MYOCD: variants seen among roughly 807,000 people sequenced by gnomAD.
The protein encoded by MYOCD is myocardin.
Under a neutral mutation model 96.1 loss-of-function variants are expected in MYOCD, and 32 were observed. That is an observed-to-expected ratio of 0.33 (90% CI 0.25 to 0.45). MYOCD has a LOEUF of 0.45. Ranked by LOEUF, MYOCD falls within the 20% of genes least tolerant of loss-of-function variation. The pLI is 1.00. For missense variants in MYOCD, 1,133 were observed against 1,200.6 expected, an observed-to-expected ratio of 0.94 and a Z score of 0.83; for synonymous variants, 469 against 469.0, an observed-to-expected ratio of 1.00 and a Z score of 0.00.
intron 5 of MYOCD, 78 bp from the exon 6 acceptor site, chr17:12,736,083 G>T: frequency 1.8e-6 from 2 of 1,130,048 alleles, no homozygotes; most frequent in East Asian, 2.4e-5. Context: ...TAATAGAAAT[G>T]ACACATCGAA....
Position 12,733,322 on chromosome 17 carries a change from A to C in MYOCD, c.416-2839A>C, listed in dbSNP as rs112170078. Among the ~76,000 whole-genome samples, 410 of 151,152 alleles carry C rather than the reference A, an allele frequency of 2.7e-3. 3 individuals are homozygous for C. Among genetic ancestry groups the C allele is most frequent in the Non-Finnish European group, 4.2e-3 (284 of 67,732 alleles). On this transcript the variant is annotated intron_variant, in intron 5 of 13. Coordinates refer to ENST00000425538, the MANE Select transcript of MYOCD (RefSeq NM_001146312.3). ...AAGACTCCATCTCAAAAAAAAAAAA[A>C]CAACCAAATAGTAGAGATGTTGGTC...
chr17:12,675,388 A>G (rs369717888), intron 1 of MYOCD, among the ~76,000 whole-genome samples: 2 of 152,220 alleles, frequency 1.3e-5, no homozygotes, highest in East Asian at 3.8e-4. Flanking sequence ...CTGTAAGGGA[A>G]CGATTCATTA....
intron 2 of MYOCD, among the ~76,000 whole-genome samples, chr17:12,707,957 G>A (rs1274142105): frequency 6.6e-6 from 1 of 151,664 alleles, no homozygotes; most frequent in Non-Finnish European, 1.5e-5. Context: ...CTATATATAT[G>A]TGTGTGTGTG....
intron 1 of MYOCD, among the ~76,000 whole-genome samples, chr17:12,680,959 G>T (rs1390666738): frequency 6.6e-6 from 1 of 152,112 alleles, no homozygotes; most frequent in African/African-American, 2.4e-5. Context: ...TGCCTGCTGC[G>T]TGTGCTAACT....
rs975424403 is a variant in MYOCD at position 12,763,804 on chromosome 17, A to G, written c.*160A>G. On this transcript the variant is annotated 3_prime_UTR_variant, in exon 14 of 14. Transcript: ENST00000425538. Reference sequence around the variant, plus strand: ...GAACAAGAACAAAAGTCATTTTTAGAAATACATATACTGTAATATTTACCA... The same window carrying G: ...GAACAAGAACAAAAGTCATTTTTAGGAATACATATACTGTAATATTTACCA... The G allele has an allele frequency of 2.9e-5, 18 of 627,522 alleles. No individual in the cohort carries two copies. The highest frequency in any genetic ancestry group is 4.0e-5 in the Non-Finnish European group (15 of 376,028). The allele number at this position is 627,522 out of a possible 1,614,324, so 38.9% of individuals were successfully genotyped here.
chr17:12,724,960 A>G (rs1469078990), intron 5 of MYOCD, among the ~76,000 whole-genome samples: 4 of 152,096 alleles, frequency 2.6e-5, no homozygotes, highest in Non-Finnish European at 5.9e-5. Flanking sequence ...ATGTTAATTT[A>G]TGGTGAATTC....
intron 1 of MYOCD, among the ~76,000 whole-genome samples, chr17:12,703,897 G>A (rs1369814517): frequency 6.6e-6 from 1 of 151,440 alleles, no homozygotes; most frequent in African/African-American, 2.4e-5. Context: ...GTTTCTACTT[G>A]GTTTCTTTTT....
chr17:12,699,470 T>G (rs976876123), intron 1 of MYOCD, among the ~76,000 whole-genome samples: 18 of 152,186 alleles, frequency 1.2e-4, no homozygotes, highest in African/African-American at 4.3e-4. Flanking sequence ...TGCTAAAATG[T>G]TTTGTGGCCA....
At position 12,736,289 on chromosome 17, in the gene MYOCD, G is replaced by A. The variant is rs764293311; in HGVS notation, c.544G>A (p.Ala182Thr). The A allele has an allele frequency of 1.2e-5, 20 of 1,614,072 alleles. No homozygotes were observed. The highest frequency in any genetic ancestry group is 6.7e-5 in the Admixed American group (4 of 60,008). Residue 182 changes from alanine to threonine, a missense_variant, in exon 6 of 14, where the codon GCT becomes ACT. By Grantham distance (58) the Ala-to-Thr change is moderately conservative. Transcript: ENST00000425538. Reference sequence around the variant, plus strand: ...AAACTCAGCGGGATCCCCGCCAGACGCTAAAGCCTCAGATACCCCTTCGAC... The same window carrying A: ...AAACTCAGCGGGATCCCCGCCAGACACTAAAGCCTCAGATACCCCTTCGAC... The part of the protein sequence containing the change: ...PQNSAGSPPD[A>T]KASDTPSTGS...
At chr17:12,675,309 T>A (rs1909951092) in intron 1 of MYOCD, among the ~76,000 whole-genome samples, 1 of 152,172 alleles carries the variant, frequency 6.6e-6, no homozygotes, top group East Asian at 1.9e-4. Context: ...TGTAAAGTCT[T>A]AACAGATACA....
intron 1 of MYOCD, among the ~76,000 whole-genome samples, chr17:12,703,934 T>G (rs2031186016): frequency 6.6e-6 from 1 of 152,212 alleles, no homozygotes; most frequent in Non-Finnish European, 1.5e-5. Flanking sequence ...TGCTGAGATT[T>G]CCTATTTTTT....
At chr17:12,697,438 C>T (rs1182873650) in intron 1 of MYOCD, among the ~76,000 whole-genome samples, 1 of 144,900 alleles carries the variant, frequency 6.9e-6, no homozygotes, top group African/African-American at 2.6e-5. Context: ...TCTTGGCTCA[C>T]TGCAAGCTCC....
chr17:12,679,313 G>C (rs1910305510), intron 1 of MYOCD, among the ~76,000 whole-genome samples: 1 of 152,170 alleles, frequency 6.6e-6, no homozygotes, highest in African/African-American at 2.4e-5. Flanking sequence ...ACTCAGGATT[G>C]GCTGGGAGAG....
chr17:12,742,658 C>T (rs890799077), intron 7 of MYOCD, among the ~76,000 whole-genome samples: 1 of 152,030 alleles, frequency 6.6e-6, no homozygotes, highest in Non-Finnish European at 1.5e-5. Context: ...GCAACCTCCA[C>T]CTCCTGGGTT....
chr17:12,684,840 C>A lies in MYOCD; in HGVS notation c.55+18597C>A, dbSNP rs959022579. Among the ~76,000 whole-genome samples the A allele has an allele frequency of 2.8e-5, 4 of 141,476 alleles. No homozygotes were observed. The South Asian group carries it at 6.8e-4, about 24-fold the overall frequency. 92.8% of individuals were successfully genotyped at this position (141,476 alleles called of 152,430 possible). ...CAGCTGGGGAAATAGAGTGAGAATTCGTCTCAAAAAAAAAAAAAAAAAGAA... is the reference window on the plus strand; with the variant it reads ...CAGCTGGGGAAATAGAGTGAGAATTAGTCTCAAAAAAAAAAAAAAAAAGAA... On this transcript the variant is annotated intron_variant, in intron 1 of 13. Coordinates refer to ENST00000425538, the MANE Select transcript of MYOCD (RefSeq NM_001146312.3).
At chr17:12,686,961 T>C (rs771262232) in intron 1 of MYOCD, among the ~76,000 whole-genome samples, 3 of 152,210 alleles carry the variant, frequency 2.0e-5, no homozygotes, top group Non-Finnish European at 4.4e-5. Context: ...GTAATCTACA[T>C]CCGCTCTTTG....
chr17:12,732,437 C>T lies in MYOCD; in HGVS notation c.416-3724C>T, dbSNP rs556449709. Among the ~76,000 whole-genome samples the T allele has an allele frequency of 5.3e-5, 8 of 152,288 alleles. No individual in the cohort carries two copies. The East Asian group carries it at 7.7e-4, about 15-fold the overall frequency. ...AGGCTCCATTCAATCCCACCTCCTCCGGGAGGCTTCTTGGACAACTTCGCA... is the reference window on the plus strand; with the variant it reads ...AGGCTCCATTCAATCCCACCTCCTCTGGGAGGCTTCTTGGACAACTTCGCA... On this transcript the variant is annotated intron_variant, in intron 5 of 13. Transcript: ENST00000425538.
At chr17:12,738,949 T>TTATA (rs35061930) in intron 6 of MYOCD, among the ~76,000 whole-genome samples, 1 of 151,186 alleles carries the variant, frequency 6.6e-6, no homozygotes, top group Non-Finnish European at 1.5e-5. Context: ...GATGATAAGT[T>TTATA]TATATATATA....
At chr17:12,688,000 C>G (rs56710681) in intron 1 of MYOCD, among the ~76,000 whole-genome samples, 26,691 of 152,162 alleles carry the variant, frequency 0.18, 4,295 homozygotes, top group African/African-American at 0.42. Context: ...TAACTTCTCT[C>G]TGATTCTTTG....
Sources: gnomAD v4.1 joint callset for allele counts (sites outside exome capture counted in the v4.1 genomes callset) on GRCh38, gnomAD v4.1.1 for gene constraint, MANE v1.5 for transcripts, NCBI Gene and HGNC (gene_info 2026-07-23, HGNC 2026-07-21) for gene names.